The following TF variants were observed in gnomAD, a reference collection of about 807,000 sequenced individuals.
The protein encoded by TF is transferrin.
In TF, 55 loss-of-function variants were observed where a neutral mutation model predicts 82.4. The ratio of observed to expected loss-of-function variants is 0.67; its 90% CI spans 0.54 to 0.84. The LOEUF (loss-of-function observed/expected upper bound fraction) is 0.84. TF is among the 40% of genes least tolerant of loss of function. The pLI, the probability that TF is intolerant of heterozygous loss-of-function variation, is 0.00. For synonymous variants in TF, 332 were observed against 332.6 expected (o/e 1.00, Z 0.02); for missense variants, 737 against 868.4 (o/e 0.85, Z 1.90).
Position 133,782,726 on chromosome 3 carries a change from T to C in TF, c.*4106T>C, listed in dbSNP as rs1334440015. 2.9e-5 allele frequency: 4 copies of C among 135,698 alleles called. No individual in the cohort carries two copies. Among genetic ancestry groups the C allele is most frequent in the African/African-American group, 1.1e-4 (4 of 35,292 alleles). The allele number at this position is 135,698 out of a possible 1,614,324, so 8.4% of individuals were successfully genotyped here. A position where few individuals can be genotyped will look rare whatever the true frequency, so the allele number is the denominator to read the frequency against. On this transcript the variant is annotated 3_prime_UTR_variant, in exon 17 of 17. Transcript: ENST00000402696. ...ATCCCAGGACTTTGGGAGGCAGAGG[T>C]GGGCAGATTGCTTGAGTCCAGGAGT...
rs1934467510 is a variant in TF, at chr3:133,779,296, AG to A, written c.*678del. ...GCCCTTCTCAGCCCAGCTTCCTGTA[AG>A]GTGGAGGCTGACTTTTCTGTCTCAC... On this transcript the variant is annotated 3_prime_UTR_variant, in exon 17 of 17. Coordinates refer to ENST00000402696, the MANE Select transcript of TF (RefSeq NM_001063.4). 1 of 152,504 alleles carries A rather than the reference AG, an allele frequency of 6.6e-6. No homozygotes were observed. The highest frequency in any genetic ancestry group is 1.5e-5 in the Non-Finnish European group (1 of 68,290). 9.4% of individuals were successfully genotyped at this position (152,504 alleles called of 1,614,324 possible).
chr3:133,725,971 G>A, the TF span, among the ~76,000 whole-genome samples: 92 of 152,250 alleles, frequency 6.0e-4, no homozygotes, highest in Middle Eastern at 3.4e-3. Flanking sequence ...ATCAATTTGC[G>A]TATATTGAAC....
At position 133,784,447 on chromosome 3, in the gene TF, C is replaced by A; in HGVS notation, c.*5827C>A. ...ATGATAGAGTTAGAAAATCACACAT[C>A]TTGTAAATTCCCATTTGTTAAAAAA... On this transcript the variant is annotated 3_prime_UTR_variant, in exon 17 of 17. Coordinates refer to ENST00000402696, the MANE Select transcript of TF (RefSeq NM_001063.4). The A allele has an allele frequency of 7.2e-6, 1 of 138,494 alleles. No homozygotes were observed. 8.6% of individuals were successfully genotyped at this position (138,494 alleles called of 1,614,324 possible).
intron 13 of TF, 75 bp downstream of exon 13, chr3:133,768,239 G>A: frequency 6.4e-7 from 1 of 1,573,004 alleles, no homozygotes; most frequent in Non-Finnish European, 8.7e-7. Context: ...ACTAAGGTAA[G>A]ATTCTTAGGT....
chr3:133,755,788 A>C (rs1559870603), intron 5 of TF: 1 of 503,348 alleles, frequency 2.0e-6, no homozygotes, highest in African/African-American at 1.9e-5. Flanking sequence ...GCCTGAAAGG[A>C]CAATCATGCC....
chr3:133,756,445 C>T (rs953967288), intron 6 of TF, 108 bp downstream of exon 6: 18 of 1,268,130 alleles, frequency 1.4e-5, no homozygotes, highest in South Asian at 2.5e-5. Flanking sequence ...CTGTATTTCT[C>T]CTTTATCATT....
chr3:133,671,836 G>A, the TF span, among the ~76,000 whole-genome samples: 1 of 147,958 alleles, frequency 6.8e-6, no homozygotes, highest in Admixed American at 6.7e-5. Flanking sequence ...GGAGAAGAAG[G>A]AAAGAAAGAA....
At chr3:133,776,300 TG>T (rs1423387507) in intron 15 of TF, among the ~76,000 whole-genome samples, 1 of 152,204 alleles carries the variant, frequency 6.6e-6, no homozygotes, top group Non-Finnish European at 1.5e-5. Flanking sequence ...GCCTGCCCTC[TG>T]GGGGAACAAC....
chr3:133,673,520 G>A, the TF span, among the ~76,000 whole-genome samples: 14 of 152,294 alleles, frequency 9.2e-5, no homozygotes, highest in African/African-American at 3.4e-4. Flanking sequence ...AATGTGCAAC[G>A]CTGATAATGA....
In TF at chr3:133,758,174, G is replaced by A. The variant is rs1045578409; in HGVS notation, c.1048+228G>A. Among the ~76,000 whole-genome samples the A allele has an allele frequency of 1.6e-4, 24 of 152,192 alleles. 1 individual carries two copies. The highest frequency in any genetic ancestry group is 1.4e-3 in the Admixed American group (22 of 15,274). On this transcript the variant is annotated intron_variant, in intron 8 of 16. Coordinates refer to ENST00000402696, the MANE Select transcript of TF (RefSeq NM_001063.4). ...GAAATCCACATTTAAAATGACGTGG[G>A]TTGGTTCCAGTATTTCCTTTGCATC...
the TF span, among the ~76,000 whole-genome samples, chr3:133,719,859 TG>T: frequency 6.6e-6 from 1 of 152,210 alleles, no homozygotes; most frequent in Non-Finnish European, 1.5e-5. Context: ...TTATCTTTTT[TG>T]GTAGCTATTG....
chr3:133,790,990 C>T lies in TF; in HGVS notation c.*12370C>T, dbSNP rs1050663452. The T allele has an allele frequency of 1.3e-5, 2 of 152,186 alleles. No individual in the cohort carries two copies. The highest frequency in any genetic ancestry group is 2.9e-5 in the Non-Finnish European group (2 of 68,004). 9.4% of individuals were successfully genotyped at this position (152,186 alleles called of 1,614,324 possible). ...CCTATTTGTTTTTGCTTCTAATTTT[C>T]ATTTGTTTGCCATTTATTCTCCTCT... On this transcript the variant is annotated 3_prime_UTR_variant, in exon 17 of 17. Transcript: ENST00000402696.
At chr3:133,663,279 G>A in the TF span, among the ~76,000 whole-genome samples, 5 of 151,460 alleles carry the variant, frequency 3.3e-5, no homozygotes, top group African/African-American at 1.2e-4. Flanking sequence ...GAATCCCATT[G>A]CCATGGTTGC....
At position 133,753,711 on chromosome 3, in the gene TF, CT is replaced by C; in HGVS notation, c.325+9del. On this transcript the variant is annotated intron_variant, in intron 3 of 16. Transcript: ENST00000402696. ...TCTATGGGTCAAAAGAGGGTAAGTTCTCCCTGGGACCCCAGGAAGGAGTTGT... is the reference window on the plus strand; with the variant it reads ...TCTATGGGTCAAAAGAGGGTAAGTTCCCCTGGGACCCCAGGAAGGAGTTGT... 1 of 1,605,596 alleles carries C rather than the reference CT, an allele frequency of 6.2e-7. No individual in the cohort carries two copies. Among genetic ancestry groups the C allele is most frequent in the South Asian group, 1.1e-5 (1 of 90,920 alleles).
the TF span, among the ~76,000 whole-genome samples, chr3:133,729,507 C>T: frequency 0.2 from 30,131 of 152,176 alleles, 3,065 homozygotes; most frequent in East Asian, 0.29. Flanking sequence ...TTAAGCCCGT[C>T]GGAAAAGCGC....
Position 133,781,711 on chromosome 3 carries a change from G to C in TF, c.*3091G>C, listed in dbSNP as rs886407893. 1.3e-5 allele frequency: 2 copies of C among 152,254 alleles called. No individual in the cohort carries two copies. Among genetic ancestry groups the C allele is most frequent in the Middle Eastern group, 3.4e-3 (1 of 294 alleles). 9.4% of individuals were successfully genotyped at this position (152,254 alleles called of 1,614,324 possible). A position where few individuals can be genotyped will look rare whatever the true frequency, so the allele number is the denominator to read the frequency against. ...TGAGAGTGGAAGAGCTCTTCCAGCTGTTAAAATGTAATGATAAGCTCCTGA... is the reference window on the plus strand; with the variant it reads ...TGAGAGTGGAAGAGCTCTTCCAGCTCTTAAAATGTAATGATAAGCTCCTGA... On this transcript the variant is annotated 3_prime_UTR_variant, in exon 17 of 17. Transcript: ENST00000402696.
rs1395995528 is a variant in TF, at chr3:133,781,830, G to T, written c.*3210G>T. On this transcript the variant is annotated 3_prime_UTR_variant, in exon 17 of 17. Transcript: ENST00000402696. ...AAATGGGACTACATCAAGCTGAAAA[G>T]CTTCTGCATAGCAAAGACAACAAGC... 6.6e-6 allele frequency: 1 copy of T among 152,148 alleles called. No homozygotes were observed. The highest frequency in any genetic ancestry group is 2.4e-5 in the African/African-American group (1 of 41,436). 9.4% of individuals were successfully genotyped at this position (152,148 alleles called of 1,614,324 possible). A position where few individuals can be genotyped will look rare whatever the true frequency, so the allele number is the denominator to read the frequency against.
chr3:133,699,449 C>A, the TF span: 1 of 1,233,584 alleles, frequency 8.1e-7, no homozygotes, highest in Non-Finnish European at 1.1e-6. Context: ...CCCCAGAGAA[C>A]CTGGCAAACA....
At chr3:133,676,263 A>G in the TF span, among the ~76,000 whole-genome samples, 1 of 152,192 alleles carries the variant, frequency 6.6e-6, no homozygotes, top group East Asian at 1.9e-4. Flanking sequence ...CGTTTTCACA[A>G]CAAACACAAT....
Sources: allele counts gnomAD v4.1 joint callset (sites outside exome capture counted in the v4.1 genomes callset), GRCh38; gene constraint gnomAD v4.1.1; transcripts MANE v1.5; gene names NCBI Gene and HGNC (gene_info 2026-07-23, HGNC 2026-07-21).